The following PCDHA11 variants were observed in gnomAD, a reference collection of about 807,000 sequenced individuals.
PCDHA11 encodes the protein protocadherin alpha-11.
PCDHA11 carries 61 observed loss-of-function variants against 70.3 expected under a neutral mutation model. The observed-to-expected ratio is 0.87, with a 90% CI of 0.71 to 1.07. PCDHA11 has a LOEUF of 1.07. Ranked by LOEUF, PCDHA11 falls within the 50% of genes least tolerant of loss-of-function variation. The pLI, the probability that PCDHA11 is intolerant of heterozygous loss-of-function variation, is 0.00. For synonymous variants in PCDHA11, 633 were observed against 555.1 expected (o/e 1.14, Z -1.97); for missense variants, 1,324 against 1,237.5 (o/e 1.07, Z -1.05).
chr5:140,900,271 G>A (rs1055315411), intron 1 of PCDHA11, among the ~76,000 whole-genome samples: 2 of 151,762 alleles, frequency 1.3e-5, no homozygotes, highest in Non-Finnish European at 2.9e-5. Flanking sequence ...TTGTGTATAT[G>A]TACCACACTT....
At chr5:140,918,432 T>C (rs1462854272) in intron 1 of PCDHA11, among the ~76,000 whole-genome samples, 2 of 152,204 alleles carry the variant, frequency 1.3e-5, no homozygotes, top group Non-Finnish European at 2.9e-5. Context: ...GGATGTTGAA[T>C]AGGAGTGGTG....
intron 1 of PCDHA11, chr5:140,967,979 G>A (rs1405177525): frequency 1.2e-6 from 2 of 1,614,100 alleles, no homozygotes; most frequent in African/African-American, 1.3e-5. Flanking sequence ...CCTGGGTCTG[G>A]AGGCCACACT....
intron 1 of PCDHA11, among the ~76,000 whole-genome samples, chr5:140,889,903 A>G (rs2062424264): frequency 6.6e-6 from 1 of 152,126 alleles, no homozygotes; most frequent in African/African-American, 2.4e-5. Flanking sequence ...CTACCTTGAG[A>G]TTGTCATACT....
intron 1 of PCDHA11, among the ~76,000 whole-genome samples, chr5:140,890,852 C>G (rs2153432069): frequency 6.6e-6 from 1 of 152,254 alleles, no homozygotes; most frequent in South Asian, 2.1e-4. Flanking sequence ...TGTTTCTCTT[C>G]CTTACTTCTT....
At chr5:140,877,193 G>A (rs1554169443) in intron 1 of PCDHA11, 1 of 1,613,832 alleles carries the variant, frequency 6.2e-7, no homozygotes, top group Non-Finnish European at 8.5e-7. Context: ...GGCAGCGCAG[G>A]AGGCGCAGTT....
chr5:140,951,545 G>C (rs1019007635), intron 1 of PCDHA11, among the ~76,000 whole-genome samples: 2 of 151,950 alleles, frequency 1.3e-5, no homozygotes, highest in Admixed American at 6.6e-5. Context: ...GCAAGGGACG[G>C]GGGGAAGTGC....
chr5:140,874,803 A>G (rs536331240), intron 1 of PCDHA11, among the ~76,000 whole-genome samples: 1 of 152,378 alleles, frequency 6.6e-6, no homozygotes, highest in East Asian at 1.9e-4. Flanking sequence ...AGATTTATGA[A>G]TAAGACAATT....
rs550922282 is a variant in PCDHA11, at chr5:140,927,864, T to C, written c.2392-51085T>C. On this transcript the variant is annotated intron_variant, in intron 1 of 3. Transcript: ENST00000398640. The stretch of plus-strand genomic sequence containing the variant: ...GTGTCTTTGGTTTAGCTAGCACCGC[T>C]AAACTGCTGGTGGAGGTGACTGACG... The C allele has an allele frequency of 6.8e-6, 11 of 1,614,200 alleles. No homozygotes were observed. In the South Asian group the frequency reaches 1.2e-4, roughly 18 times the overall value.
Position 140,924,253 on chromosome 5 carries a change from A to T in PCDHA11, c.2391+52759A>T, listed in dbSNP as rs550218351. ...ATGGGCTGTTTTGCATCCTGGTGAGATCTAATGAGGTCTGTACTTGTGACT... is the reference window on the plus strand; with the variant it reads ...ATGGGCTGTTTTGCATCCTGGTGAGTTCTAATGAGGTCTGTACTTGTGACT... On this transcript the variant is annotated intron_variant, in intron 1 of 3. Coordinates refer to ENST00000398640, the MANE Select transcript of PCDHA11 (RefSeq NM_018902.5). Among the ~76,000 whole-genome samples, 68 of 152,330 alleles carry T rather than the reference A, an allele frequency of 4.5e-4. No homozygotes were observed. In the South Asian group the frequency reaches 0.013, roughly 29 times the overall value.
chr5:140,963,829 A>G (rs1460358277), intron 1 of PCDHA11, among the ~76,000 whole-genome samples: 1 of 152,180 alleles, frequency 6.6e-6, no homozygotes, highest in African/African-American at 2.4e-5. Context: ...CTTTACATAC[A>G]TTTTCTCATG....
chr5:140,884,135 C>A (rs1554181269), intron 1 of PCDHA11: 1 of 1,613,422 alleles, frequency 6.2e-7, no homozygotes. Context: ...CATCCCGTTC[C>A]GCGTGGGGCT....
chr5:140,951,084 T>C (rs190031878), intron 1 of PCDHA11, among the ~76,000 whole-genome samples: 2 of 152,168 alleles, frequency 1.3e-5, no homozygotes, highest in African/African-American at 4.8e-5. Context: ...ATATTTTCCT[T>C]TTTTTCTGAT....
rs782457236 is a variant in PCDHA11 at position 140,883,560 on chromosome 5, G to A, written c.2391+12066G>A. 2 of 1,614,184 alleles carry A rather than the reference G, an allele frequency of 1.2e-6. No homozygotes were observed. Among genetic ancestry groups the A allele is most frequent in the Admixed American group, 1.7e-5 (1 of 60,028 alleles). ...CTGGTGGTGACCGCGCGGGACGGGGGCTCGCCTTCGCTGTGGGCCACGGCC... is the reference window on the plus strand; with the variant it reads ...CTGGTGGTGACCGCGCGGGACGGGGACTCGCCTTCGCTGTGGGCCACGGCC... On this transcript the variant is annotated intron_variant, in intron 1 of 3. Coordinates refer to ENST00000398640, the MANE Select transcript of PCDHA11 (RefSeq NM_018902.5).
Position 140,869,560 on chromosome 5 carries a change from C to T in PCDHA11, c.457C>T (p.Pro153Ser). Residue 153 changes from proline (P) to serine (S), a missense_variant, in exon 1 of 4, where the codon CCA becomes TCA. Pro to Ser is a moderately conservative substitution (Grantham distance 74). Transcript: ENST00000398640. The part of the protein sequence containing the change: ...AESKQSDSRF[P>S]LEGASDADIE... Reference sequence around the variant, plus strand: ...ATCTAAGCAATCGGACTCGCGTTTTCCACTAGAGGGAGCTTCTGATGCTGA... The same window carrying T: ...ATCTAAGCAATCGGACTCGCGTTTTTCACTAGAGGGAGCTTCTGATGCTGA... 1 of 1,614,158 alleles carries T rather than the reference C, an allele frequency of 6.2e-7. No homozygotes were observed. Among genetic ancestry groups the T allele is most frequent in the Non-Finnish European group, 8.5e-7 (1 of 1,180,034 alleles).
intron 1 of PCDHA11, among the ~76,000 whole-genome samples, chr5:140,938,510 A>G (rs2092097687): frequency 6.6e-6 from 1 of 151,662 alleles, no homozygotes; most frequent in Non-Finnish European, 1.5e-5. Context: ...TTTATCACAT[A>G]TTTTCTGTTA....
intron 3 of PCDHA11, among the ~76,000 whole-genome samples, chr5:140,982,882 C>CAGAGA (rs1353974224): frequency 6.6e-6 from 1 of 151,972 alleles, no homozygotes; most frequent in African/African-American, 2.4e-5. Context: ...CCAAGCCATG[C>CAGAGA]AGAGAAGATC....
In PCDHA11 at chr5:140,968,789, G is replaced by A. The variant is rs782339889; in HGVS notation, c.2392-10160G>A. 16 of 1,614,060 alleles carry A rather than the reference G, an allele frequency of 9.9e-6. No individual in the cohort carries two copies. In the African/African-American group the frequency reaches 1.7e-4, roughly 18 times the overall value. On this transcript the variant is annotated intron_variant, in intron 1 of 3. Transcript: ENST00000398640. The stretch of plus-strand genomic sequence containing the variant: ...AGAGCCATCACTATCAGCCTCTGTG[G>A]CCATTACAGTAGCTGTGGTGGATAG...
intron 1 of PCDHA11, among the ~76,000 whole-genome samples, chr5:140,903,758 T>TCCACCAAAGCCCAGTAATAGGCCAAGA (rs2070567163): frequency 6.6e-6 from 1 of 152,218 alleles, no homozygotes; most frequent in Non-Finnish European, 1.5e-5. Flanking sequence ...CCTTGATTTT[T>TCCACCAAAGCCCAGTAATAGGCCAAGA]GCTGAACTTT....
intron 1 of PCDHA11, among the ~76,000 whole-genome samples, chr5:140,959,366 C>A (rs1257331462): frequency 1.3e-5 from 2 of 151,552 alleles, no homozygotes; most frequent in African/African-American, 4.8e-5. Flanking sequence ...TGAGTGAGAC[C>A]CTGTCTCAAA....
Sources: allele counts gnomAD v4.1 joint callset (sites outside exome capture counted in the v4.1 genomes callset), GRCh38; gene constraint gnomAD v4.1.1; transcripts MANE v1.5; gene names NCBI Gene and HGNC (gene_info 2026-07-23, HGNC 2026-07-21).